MAPK7: variants seen among roughly 807,000 people sequenced by gnomAD.
MAPK7 encodes the protein BMK-1.
Under a neutral mutation model 56.9 loss-of-function variants are expected in MAPK7, and 30 were observed. The observed-to-expected ratio is 0.53, with a 90% CI of 0.39 to 0.72. The LOEUF (loss-of-function observed/expected upper bound fraction) is 0.72. MAPK7 is among the 30% of genes least tolerant of loss of function. MAPK7 has a pLI of 0.00. For synonymous variants in MAPK7, 516 were observed against 449.3 expected (o/e 1.15, Z -1.88); for missense variants, 952 against 1,110.8 (o/e 0.86, Z 2.03).
Position 19,383,164 on chromosome 17 carries a change from T to C in MAPK7, c.2384T>C (p.Leu795Pro). 1 of 1,614,176 alleles carries C rather than the reference T, an allele frequency of 6.2e-7. No individual in the cohort carries two copies. Among genetic ancestry groups the C allele is most frequent in the Non-Finnish European group, 8.5e-7 (1 of 1,180,024 alleles). ...HGMNPADIES[L>P]QREIQMDSPM... ...ATGAACCCTGCCGATATTGAGTCCC[T>C]GCAGCGTGAGATCCAGATGGACTCC... The change falls in exon 7 of 7, where the codon CTG becomes CCG. Residue 795 changes from leucine (L) to proline (P), a missense_variant. By Grantham distance (98) the Leu-to-Pro change is moderately conservative. This residue lies in a region of MAPK7 where 73 missense variants were observed against 104.6 expected (regional missense o/e 0.70). Transcript: ENST00000395604.
rs1170202633 is a variant in MAPK7 at position 19,379,035 on chromosome 17, C to T, written c.135C>T (p.Phe45=). ...TGGCCCTGCTTAAAGCCCGCTCCTT[C>T]GATGTGACCTTTGACGTGGGCGACG... The part of the protein sequence containing the change: ...KNLALLKARS[F]DVTFDVGDEY... Residue 45 remains phenylalanine (F), a synonymous_variant, in exon 2 of 7, where the codon TTC becomes TTT. Transcript: ENST00000395604. 6.2e-7 allele frequency: 1 copy of T among 1,614,118 alleles called. No individual in the cohort carries two copies. Among genetic ancestry groups the T allele is most frequent in the Non-Finnish European group, 8.5e-7 (1 of 1,180,000 alleles).
Position 19,378,507 on chromosome 17 carries a change from C to T in MAPK7, c.-129C>T. 3.7e-6 allele frequency: 4 copies of T among 1,094,096 alleles called. No homozygotes were observed. The highest frequency in any genetic ancestry group is 4.5e-6 in the Non-Finnish European group (4 of 895,438). 67.8% of individuals were successfully genotyped at this position (1,094,096 alleles called of 1,614,324 possible). ...GCGGAGGGGGACGGACAGGGCAGCT[C>T]AAGACGCTGAGGTGGTGGCTGCGGC... On this transcript the variant is annotated 5_prime_UTR_variant, in exon 1 of 7. Coordinates refer to ENST00000395604, the MANE Select transcript of MAPK7 (RefSeq NM_002749.4). This position sits in a 1 kb window ranked among gnomAD's most constrained non-coding sequence, Gnocchi z 5.4.
At chr17:19,379,450 G>A (rs1912440518) in intron 2 of MAPK7, 1 of 555,812 alleles carries the variant, frequency 1.8e-6, no homozygotes, top group Admixed American at 3.3e-5. Flanking sequence ...AGGAACTGGT[G>A]GTGGGATGGG....
At position 19,383,442 on chromosome 17, in the gene MAPK7, TC is replaced by T; in HGVS notation, c.*213del. ...GGAGACCCCAACTCCCCCTGAACAA[TC>T]CTTTTCAGTATTATATTTTTATTAT... On this transcript the variant is annotated 3_prime_UTR_variant, in exon 7 of 7. Transcript: ENST00000395604. 2.2e-6 allele frequency: 1 copy of T among 461,866 alleles called. No homozygotes were observed. Among genetic ancestry groups the T allele is most frequent in the Non-Finnish European group, 3.8e-6 (1 of 262,118 alleles). The allele number at this position is 461,866 out of a possible 1,614,324, so 28.6% of individuals were successfully genotyped here.
chr17:19,381,942 G>T lies in MAPK7; in HGVS notation c.1639G>T (p.Ala547Ser). 1 of 1,551,800 alleles carries T rather than the reference G, an allele frequency of 6.4e-7. No homozygotes were observed. The highest frequency in any genetic ancestry group is 2.0e-5 in the Admixed American group (1 of 51,012). Reference sequence around the variant, plus strand: ...GGAGCGAAAGGAACGGGGGGCTGGGGCCTCTGGGGGCCCCTCCACTGACCC... The same window carrying T: ...GGAGCGAAAGGAACGGGGGGCTGGGTCCTCTGGGGGCCCCTCCACTGACCC... ...ERERKERGAG[A>S]SGGPSTDPLA... is the part of the protein sequence containing the mutation. The change falls in exon 5 of 7, where the codon GCC (alanine) becomes TCC (serine). Residue 547 changes from alanine to serine, a missense_variant. Transcript: ENST00000395604. This position sits in a 1 kb window ranked among gnomAD's most constrained non-coding sequence, Gnocchi z 4.6.
At chr17:19,380,566 G>C in intron 3 of MAPK7, 42 bp from the exon 4 acceptor site, 1 of 1,553,692 alleles carries the variant, frequency 6.4e-7, no homozygotes, top group Middle Eastern at 1.7e-4. Flanking sequence ...CCTGGAGTGT[G>C]ATCAGGCCAA....
rs1182347805 is a variant in MAPK7, at chr17:19,380,803, T to A, written c.594T>A (p.Ile198=). ...LLVNENCELK[I]GDFGMARGLC... is the part of the protein sequence containing the mutation. ...TGAATGAGAACTGTGAGCTCAAGAT[T>A]GGTGACTTTGGTATGGCTCGTGGCC... Residue 198 remains isoleucine, a synonymous_variant, in exon 4 of 7, where the codon ATT becomes ATA. Transcript: ENST00000395604. 6.2e-7 allele frequency: 1 copy of A among 1,613,170 alleles called. No homozygotes were observed. The highest frequency in any genetic ancestry group is 1.1e-5 in the South Asian group (1 of 91,060).
chr17:19,378,734 G>A lies in MAPK7; in HGVS notation c.-6+104G>A, dbSNP rs114558419. ...GACCCTGGCGGGCCCCCGGCTCTGGGCCCGGACCCCTGGGGTAGCTAGTCT... is the reference window on the plus strand; with the variant it reads ...GACCCTGGCGGGCCCCCGGCTCTGGACCCGGACCCCTGGGGTAGCTAGTCT... On this transcript the variant is annotated intron_variant, in intron 1 of 6. Coordinates refer to ENST00000395604, the MANE Select transcript of MAPK7 (RefSeq NM_002749.4). The surrounding 1 kb of genome is among the most constrained non-coding windows in gnomAD (Gnocchi z 5.4). The A allele has an allele frequency of 9.7e-4, 1,318 of 1,352,928 alleles. 7 individuals are homozygous for A. In the African/African-American group the frequency reaches 0.017, roughly 18 times the overall value. 83.8% of individuals were successfully genotyped at this position (1,352,928 alleles called of 1,614,324 possible). A position where few individuals can be genotyped will look rare whatever the true frequency, so the allele number is the denominator to read the frequency against.
chr17:19,381,738 G>A lies in MAPK7; in HGVS notation c.1478-43G>A. 1 of 1,541,078 alleles carries A rather than the reference G, an allele frequency of 6.5e-7. No individual in the cohort carries two copies. Among genetic ancestry groups the A allele is most frequent in the Non-Finnish European group, 8.7e-7 (1 of 1,146,952 alleles). Reference sequence around the variant, plus strand: ...AGAGGGGAGACTTGGACTTGGACAAGGCTTCAGGCTTTTACCTTCTCCCCT... The same window carrying A: ...AGAGGGGAGACTTGGACTTGGACAAAGCTTCAGGCTTTTACCTTCTCCCCT... On this transcript the variant is annotated intron_variant, in intron 4 of 6. Coordinates refer to ENST00000395604, the MANE Select transcript of MAPK7 (RefSeq NM_002749.4). This position sits in a 1 kb window ranked among gnomAD's most constrained non-coding sequence, Gnocchi z 4.6.
chr17:19,378,341 T>G, upstream of MAPK7: 1 of 988,194 alleles, frequency 1.0e-6, no homozygotes, highest in South Asian at 4.5e-5. The surrounding 1 kb of genome is among the most constrained non-coding windows in gnomAD (Gnocchi z 5.4). Flanking sequence ...GCCGGCGAGC[T>G]GGACAGCGGC....
intron 5 of MAPK7, among the ~76,000 whole-genome samples, 166 bp downstream of exon 5, chr17:19,382,632 G>C (rs1333467191): frequency 6.6e-6 from 1 of 152,264 alleles, no homozygotes; most frequent in African/African-American, 2.4e-5. Context: ...GAGGTTGTTA[G>C]GAGACAAGTT....
intron 5 of MAPK7, 65 bp downstream of exon 5, chr17:19,382,531 G>A (rs1912804698): frequency 5.3e-6 from 8 of 1,518,354 alleles, no homozygotes; most frequent in Non-Finnish European, 7.0e-6. Flanking sequence ...GGTTCAGGAA[G>A]CGGTCAGTGT....
At position 19,382,473 on chromosome 17, in the gene MAPK7, GGGA is replaced by G. The variant is rs1567923528; in HGVS notation, c.2163+10_2163+12del. 6.3e-7 allele frequency: 1 copy of G among 1,576,888 alleles called. No individual in the cohort carries two copies. The highest frequency in any genetic ancestry group is 1.2e-5 in the South Asian group (1 of 84,978). On this transcript the variant is annotated splice_region_variant and intron_variant, in intron 5 of 6. Transcript: ENST00000395604. Reference sequence around the variant, plus strand: ...GCAGCTATCTAAGTCACAGGTGAGAGGGAGGCCCAGGCCATGGGGACACCTGGG... The same window carrying G: ...GCAGCTATCTAAGTCACAGGTGAGAGGGCCCAGGCCATGGGGACACCTGGG...
chr17:19,379,940 A>C lies in MAPK7; in HGVS notation c.391A>C (p.Lys131Gln), dbSNP rs1165568184. 7 of 1,613,468 alleles carry C rather than the reference A, an allele frequency of 4.3e-6. No homozygotes were observed. The highest frequency in any genetic ancestry group is 5.9e-6 in the Non-Finnish European group (7 of 1,179,612). ...LRPTVPYGEF[K>Q]SVYVVLDLME... Reference sequence around the variant, plus strand: ...GCCCACCGTGCCCTATGGCGAATTCAAATCTGTGTAAGAAGCGGGATGGGA... The same window carrying C: ...GCCCACCGTGCCCTATGGCGAATTCCAATCTGTGTAAGAAGCGGGATGGGA... The change falls in exon 3 of 7, where the codon AAA (lysine) becomes CAA (glutamine). Residue 131 changes from lysine (K) to glutamine (Q), a missense_variant. Coordinates refer to ENST00000395604, the MANE Select transcript of MAPK7 (RefSeq NM_002749.4).
At chr17:19,382,761 G>C in intron 5 of MAPK7, 52 bp from the exon 6 acceptor site, 4 of 1,599,372 alleles carry the variant, frequency 2.5e-6, no homozygotes, top group Non-Finnish European at 3.4e-6. Context: ...ATTGGGACAG[G>C]GTGGCCTACA....
At position 19,379,776 on chromosome 17, in the gene MAPK7, C is replaced by T. The variant is rs1912484453; in HGVS notation, c.233-6C>T. ...CTCTGGTATGTCCCTTTTCCCTGCT[C>T]CTCAGGCCAGCAGGTGGCCATCAAG... On this transcript the variant is annotated splice_polypyrimidine_tract_variant and splice_region_variant and intron_variant, in intron 2 of 6. Transcript: ENST00000395604. 2 of 1,613,732 alleles carry T rather than the reference C, an allele frequency of 1.2e-6. No homozygotes were observed. Among genetic ancestry groups the T allele is most frequent in the Non-Finnish European group, 1.7e-6 (2 of 1,179,822 alleles).
At chr17:19,380,142 A>G (rs1372818894) in intron 3 of MAPK7, 195 bp downstream of exon 3, 11 of 632,096 alleles carry the variant, frequency 1.7e-5, no homozygotes, top group Non-Finnish European at 2.7e-5. Flanking sequence ...ATGATTTTAC[A>G]GTTTTATAGA....
At position 19,378,928 on chromosome 17, in the gene MAPK7, G is replaced by A. The variant is rs759673722; in HGVS notation, c.28G>A (p.Gly10Ser). The A allele has an allele frequency of 1.3e-6, 2 of 1,583,238 alleles. No homozygotes were observed. The highest frequency in any genetic ancestry group is 1.8e-5 in the Admixed American group (1 of 55,566). ...GGCCGAGCCTCTGAAGGAGGAAGACGGCGAGGACGGCTCTGCGGAGCCCCC... is the reference window on the plus strand; with the variant it reads ...GGCCGAGCCTCTGAAGGAGGAAGACAGCGAGGACGGCTCTGCGGAGCCCCC... The part of the protein sequence containing the change: MAEPLKEED[G>S]EDGSAEPPGP... Residue 10 changes from glycine to serine, a missense_variant, in exon 2 of 7, where the codon GGC becomes AGC. This residue lies in a region of MAPK7 where 213 missense variants were observed against 243.2 expected (regional missense o/e 0.88). Transcript: ENST00000395604. This position sits in a 1 kb window ranked among gnomAD's most constrained non-coding sequence, Gnocchi z 5.4.
rs1912902453 is a variant in MAPK7 at position 19,383,527 on chromosome 17, G to C, written c.*296G>C. ...CAAAATGAGGCCTGTGAAATACAAG[G>C]TTCCCTTCTGCACCTGACTCCAGGT... is the stretch of plus-strand genomic sequence containing the variant. On this transcript the variant is annotated 3_prime_UTR_variant, in exon 7 of 7. Transcript: ENST00000395604. 1 of 217,078 alleles carries C rather than the reference G, an allele frequency of 4.6e-6. No individual in the cohort carries two copies. Among genetic ancestry groups the C allele is most frequent in the Admixed American group, 5.8e-5 (1 of 17,184 alleles). The allele number at this position is 217,078 out of a possible 1,614,324, so 13.4% of individuals were successfully genotyped here. A position where few individuals can be genotyped will look rare whatever the true frequency, so the allele number is the denominator to read the frequency against.
Sources: gnomAD v4.1 joint callset for allele counts (sites outside exome capture counted in the v4.1 genomes callset) on GRCh38, gnomAD v4.1.1 for gene constraint, gnomAD v4.1.1 regional missense constraint, Gnocchi (gnomAD v3.1) non-coding constraint, MANE v1.5 for transcripts, NCBI Gene and HGNC (gene_info 2026-07-23, HGNC 2026-07-21) for gene names.